DDX52: variants seen among roughly 807,000 people sequenced by gnomAD.
DDX52 encodes the protein probable ATP-dependent RNA helicase DDX52.
In DDX52, 59 loss-of-function variants were observed where a neutral mutation model predicts 76.1. That is an observed-to-expected ratio of 0.78 (90% confidence interval 0.63 to 0.96). The LOEUF (loss-of-function observed/expected upper bound fraction) is 0.96. DDX52 is among the 40% of genes least tolerant of loss of function. The pLI, the probability that DDX52 is intolerant of heterozygous loss-of-function variation, is 0.00. For synonymous variants in DDX52, 231 were observed against 244.1 expected (o/e 0.95, Z 0.50); for missense variants, 707 against 703.9 (o/e 1.00, Z -0.05).
intron 2 of DDX52, among the ~76,000 whole-genome samples, chr17:37,635,008 C>T (rs569032832): frequency 4.0e-5 from 6 of 151,824 alleles, no homozygotes; most frequent in Non-Finnish European, 7.4e-5. Flanking sequence ...ACCACGTTGG[C>T]CAGGCTGGTC....
In DDX52 at chr17:37,639,096, G is replaced by A. The variant is rs370121691; in HGVS notation, c.286+3014C>T. ...CTAGAATTTTAAAAAAACGTAATGC[G>A]CAGAAGGCCAAAAAGTAAATAAATA... On this transcript the variant is annotated intron_variant, in intron 2 of 14. Coordinates refer to ENST00000617633, the MANE Select transcript of DDX52 (RefSeq NM_007010.5). 1.2e-4 allele frequency among the ~76,000 whole-genome samples: 18 copies of A among 152,020 alleles called. No individual in the cohort carries two copies. In the South Asian group the frequency reaches 3.3e-3, roughly 28 times the overall value.
intron 14 of DDX52, among the ~76,000 whole-genome samples, chr17:37,616,515 C>T (rs2147333590): frequency 6.6e-6 from 1 of 152,030 alleles, no homozygotes; most frequent in Non-Finnish European, 1.5e-5. Flanking sequence ...ATTAGCCAGG[C>T]ATGGTGGCGG....
chr17:37,618,152 C>T (rs2029892634), intron 14 of DDX52, 140 bp downstream of exon 14: 6 of 658,762 alleles, frequency 9.1e-6, no homozygotes, highest in Non-Finnish European at 1.2e-5. Context: ...TTATAGGCAA[C>T]CTAAAATATA....
Position 37,626,839 on chromosome 17 carries a change from T to C in DDX52, c.881A>G (p.Asn294Ser). Residue 294 changes from asparagine (N) to serine (S), a missense_variant, in exon 7 of 15, where the codon AAT becomes AGT. Physicochemically the swap from Asn to Ser is conservative, Grantham distance 46. Coordinates refer to ENST00000617633, the MANE Select transcript of DDX52 (RefSeq NM_007010.5). ...KKFDILVTTP[N>S]RLIYLLKQDP... ...TTGCTTTAATAAATAGATTAGTCGA[T>C]TTGGAGTAGTCACAAGAATATCTAT... 1 of 1,612,070 alleles carries C rather than the reference T, an allele frequency of 6.2e-7. No individual in the cohort carries two copies. The highest frequency in any genetic ancestry group is 8.5e-7 in the Non-Finnish European group (1 of 1,179,456).
At position 37,614,041 on chromosome 17, in the gene DDX52, T is replaced by C. The variant is rs1247656225; in HGVS notation, c.*255A>G. 6 of 385,516 alleles carry C rather than the reference T, an allele frequency of 1.6e-5. No homozygotes were observed. Among genetic ancestry groups the C allele is most frequent in the Non-Finnish European group, 2.8e-5 (6 of 217,560 alleles). 23.9% of individuals were successfully genotyped at this position (385,516 alleles called of 1,614,324 possible). A position where few individuals can be genotyped will look rare whatever the true frequency, so the allele number is the denominator to read the frequency against. On this transcript the variant is annotated 3_prime_UTR_variant, in exon 15 of 15. Coordinates refer to ENST00000617633, the MANE Select transcript of DDX52 (RefSeq NM_007010.5). ...TACTCAGGAGGCTAAGGCAGGAGGA[T>C]TGTGTGAGGTCAGGAGTTCAAGACC...
intron 13 of DDX52, 63 bp from the exon 14 acceptor site, chr17:37,618,447 C>T: frequency 7.4e-7 from 1 of 1,355,424 alleles, no homozygotes; most frequent in Non-Finnish European, 1.0e-6. Flanking sequence ...AGAGTTAAAG[C>T]TAAAATTAGT....
intron 2 of DDX52, among the ~76,000 whole-genome samples, chr17:37,641,400 C>G (rs1469900047): frequency 7.8e-6 from 1 of 128,202 alleles, no homozygotes; most frequent in African/African-American, 2.9e-5. Context: ...AGACTCATCT[C>G]AAAAAAAAAA....
intron 5 of DDX52, 62 bp from the exon 6 acceptor site, chr17:37,628,734 T>C: frequency 8.6e-7 from 1 of 1,165,188 alleles, no homozygotes; most frequent in Non-Finnish European, 1.2e-6. Flanking sequence ...GTATACTCTT[T>C]TACATGATTA....
chr17:37,618,503 C>T (rs909681402), intron 13 of DDX52, 119 bp from the exon 14 acceptor site: 27 of 826,014 alleles, frequency 3.3e-5, no homozygotes, highest in East Asian at 3.0e-4. Context: ...TCCTTTGAGA[C>T]GGAGTTTTGC....
intron 9 of DDX52, among the ~76,000 whole-genome samples, chr17:37,622,136 T>C (rs2030130155): frequency 1.4e-5 from 2 of 145,880 alleles, no homozygotes; most frequent in Non-Finnish European, 3.0e-5. Context: ...TTTTACTGAG[T>C]TGAATCTCTA....
chr17:37,616,720 T>C (rs1296799844), intron 14 of DDX52, among the ~76,000 whole-genome samples: 2 of 151,714 alleles, frequency 1.3e-5, no homozygotes, highest in Admixed American at 1.3e-4. Context: ...TAAGTACAAA[T>C]GGAATTTGTA....
At chr17:37,623,422 C>G (rs558472791) in intron 9 of DDX52, among the ~76,000 whole-genome samples, 23 of 152,202 alleles carry the variant, frequency 1.5e-4, no homozygotes, top group Non-Finnish European at 3.2e-4. Context: ...GAGACTCCAT[C>G]TCAAAAACAA....
chr17:37,624,551 A>C, intron 8 of DDX52, 117 bp from the exon 9 acceptor site: 1 of 611,710 alleles, frequency 1.6e-6, no homozygotes, highest in Non-Finnish European at 2.7e-6. Flanking sequence ...TTCCACTGTC[A>C]ATATTAATAA....
At chr17:37,630,392 T>C (rs558507596) in intron 4 of DDX52, among the ~76,000 whole-genome samples, 6 of 152,328 alleles carry the variant, frequency 3.9e-5, no homozygotes, top group African/African-American at 1.2e-4. Flanking sequence ...TGAATGAGTG[T>C]AAAGAATACG....
Position 37,633,376 on chromosome 17 carries a change from G to T in DDX52, c.329C>A (p.Ser110Ter). 2 of 1,610,142 alleles carry T rather than the reference G, an allele frequency of 1.2e-6. No homozygotes were observed. Among genetic ancestry groups the T allele is most frequent in the South Asian group, 2.2e-5 (2 of 90,284 alleles). Reference protein sequence around the residue: ...QEEGATIQWMSSVEAKIEDKK... With the variant: ...QEEGATIQWM ...GTCTTCAATCTTTGCTTCTACAGATGACATCCACTGTATAGTAGCACCTTC... is the reference window on the plus strand; with the variant it reads ...GTCTTCAATCTTTGCTTCTACAGATTACATCCACTGTATAGTAGCACCTTC... Residue 110 changes from serine to a stop codon, truncating the protein, a stop_gained, in exon 3 of 15, where the codon TCA becomes TAA. Transcript: ENST00000617633. LOFTEE classifies it high-confidence loss of function.
At chr17:37,641,544 G>A (rs942883403) in intron 2 of DDX52, among the ~76,000 whole-genome samples, 1 of 151,862 alleles carries the variant, frequency 6.6e-6, no homozygotes, top group Non-Finnish European at 1.5e-5. Flanking sequence ...CCAGGCCATC[G>A]TGGCCAACAT....
chr17:37,619,776 T>C lies in DDX52; in HGVS notation c.1641A>G (p.Lys547=). 2 of 1,613,122 alleles carry C rather than the reference T, an allele frequency of 1.2e-6. No individual in the cohort carries two copies. Among genetic ancestry groups the C allele is most frequent in the Non-Finnish European group, 1.7e-6 (2 of 1,179,772 alleles). ...PVPEYIKGFQ[K]LLSKQKKKMI... ...TAAATTCAAGATTGTACCTTAGTAG[T>C]TTCTGAAAACCTTTTATGTATTCTG... is the stretch of plus-strand genomic sequence containing the variant. Residue 547 remains lysine (K), a synonymous_variant, in exon 13 of 15, where the codon AAA becomes AAG. Transcript: ENST00000617633.
chr17:37,612,498 A>C lies in DDX52; in HGVS notation c.*1798T>G, dbSNP rs1038945930. ...ATGCTATACGGGTTTGTAGCCTAGG[A>C]GCAACAGACTATACCATATAGCCTA... On this transcript the variant is annotated 3_prime_UTR_variant, in exon 15 of 15. Coordinates refer to ENST00000617633, the MANE Select transcript of DDX52 (RefSeq NM_007010.5). The C allele has an allele frequency of 5.3e-5, 8 of 152,170 alleles. No homozygotes were observed. The highest frequency in any genetic ancestry group is 1.9e-4 in the African/African-American group (8 of 41,448). 9.4% of individuals were successfully genotyped at this position (152,170 alleles called of 1,614,324 possible).
chr17:37,638,325 T>A (rs1331730390), intron 2 of DDX52, among the ~76,000 whole-genome samples: 1 of 152,250 alleles, frequency 6.6e-6, no homozygotes, highest in East Asian at 1.9e-4. Flanking sequence ...GGGATTGCAA[T>A]GATTCTGTAG....
Sources: gnomAD v4.1 joint callset for allele counts (sites outside exome capture counted in the v4.1 genomes callset) on GRCh38, gnomAD v4.1.1 for gene constraint, MANE v1.5 for transcripts, NCBI Gene and HGNC (gene_info 2026-07-23, HGNC 2026-07-21) for gene names.